Variants in MYOF observed in about 807,000 individuals in gnomAD.
The protein encoded by MYOF is fer-1-like 3, myoferlin.
MYOF carries 244 observed loss-of-function variants against 284.2 expected under a neutral mutation model. The ratio of observed to expected loss-of-function variants is 0.86; its 90% CI spans 0.77 to 0.95. The LOEUF is 0.95. Ranked by LOEUF, MYOF falls within the 40% of genes least tolerant of loss-of-function variation. The pLI is 0.00. For synonymous variants in MYOF, 904 were observed against 919.7 expected (o/e 0.98, Z 0.31); for missense variants, 2,496 against 2,560.6 (o/e 0.97, Z 0.54).
At chr10:93,474,634 T>C (rs1232988293) in intron 1 of MYOF, among the ~76,000 whole-genome samples, 2 of 152,236 alleles carry the variant, frequency 1.3e-5, no homozygotes, top group Non-Finnish European at 2.9e-5. Context: ...CATGAAACTG[T>C]TATCAAATAG....
chr10:93,320,956 T>C (rs1842818378), intron 48 of MYOF, among the ~76,000 whole-genome samples: 1 of 152,096 alleles, frequency 6.6e-6, no homozygotes, highest in Non-Finnish European at 1.5e-5. Flanking sequence ...TAAAATAAGA[T>C]TAATGATATG....
chr10:93,383,896 C>T (rs980411998), intron 19 of MYOF, among the ~76,000 whole-genome samples: 2 of 152,194 alleles, frequency 1.3e-5, no homozygotes, highest in African/African-American at 2.4e-5. Context: ...TGGGCCGGCT[C>T]TACCCCGTAG....
intron 1 of MYOF, among the ~76,000 whole-genome samples, chr10:93,468,746 A>G (rs2057068173): frequency 6.6e-6 from 1 of 152,168 alleles, no homozygotes; most frequent in Non-Finnish European, 1.5e-5. Flanking sequence ...TATGCTGTGC[A>G]TGGCTTTCAC....
In MYOF at chr10:93,401,645, T is replaced by C. The variant is rs926053157; in HGVS notation, c.991-101A>G. Reference sequence around the variant, plus strand: ...ATGAAACCATTCAGAATCGTTTCCATTAAGATTTCCTGTGTTTGGGGCTTA... The same window carrying C: ...ATGAAACCATTCAGAATCGTTTCCACTAAGATTTCCTGTGTTTGGGGCTTA... On this transcript the variant is annotated intron_variant, in intron 11 of 53. Transcript: ENST00000359263. 1.6e-5 allele frequency: 24 copies of C among 1,476,020 alleles called. No homozygotes were observed. In the African/African-American group the frequency reaches 3.1e-4, roughly 19 times the overall value. 91.4% of individuals were successfully genotyped at this position (1,476,020 alleles called of 1,614,324 possible).
At chr10:93,405,474 A>G (rs1212783503) in intron 7 of MYOF, among the ~76,000 whole-genome samples, 1 of 152,206 alleles carries the variant, frequency 6.6e-6, no homozygotes, top group Non-Finnish European at 1.5e-5. Flanking sequence ...TTCTTCTTTA[A>G]ATAGAGATGA....
At chr10:93,370,839 T>C (rs1368870193) in intron 24 of MYOF, among the ~76,000 whole-genome samples, 1 of 150,358 alleles carries the variant, frequency 6.7e-6, no homozygotes, top group Non-Finnish European at 1.5e-5. Context: ...GTAAACATGG[T>C]TATTCCAATT....
chr10:93,336,907 A>C (rs899629673), intron 40 of MYOF, among the ~76,000 whole-genome samples: 2 of 149,944 alleles, frequency 1.3e-5, no homozygotes, highest in Non-Finnish European at 1.5e-5. Context: ...AAGAGAAGAA[A>C]GGAAGGAAGG....
chr10:93,333,810 C>A lies in MYOF; in HGVS notation c.4667G>T (p.Arg1556Met), dbSNP rs746777943. The change falls in exon 42 of 54, where the codon AGG (arginine) becomes ATG (methionine). Residue 1556 changes from arginine (R) to methionine (M), a missense_variant. Coordinates refer to ENST00000359263, the MANE Select transcript of MYOF (RefSeq NM_013451.4). ...PDSVPQECTV[R>M]IYIVRGLELQ... ...CTCTAAGCCTCGAACAATGTAAATCCTAACCGTGCATTCCTGTGGGACGCT... is the reference window on the plus strand; with the variant it reads ...CTCTAAGCCTCGAACAATGTAAATCATAACCGTGCATTCCTGTGGGACGCT... 2 of 1,614,064 alleles carry A rather than the reference C, an allele frequency of 1.2e-6. No individual in the cohort carries two copies. The highest frequency in any genetic ancestry group is 3.3e-5 in the Admixed American group (2 of 60,006).
intron 1 of MYOF, chr10:93,478,340 A>T (rs1319242352): frequency 5.5e-6 from 1 of 182,134 alleles, no homozygotes; most frequent in Non-Finnish European, 1.1e-5. Context: ...ACAGGCACTC[A>T]CTCCAGCCTC....
At chr10:93,402,654 T>TA (rs1427011411) in intron 10 of MYOF, among the ~76,000 whole-genome samples, 1 of 152,168 alleles carries the variant, frequency 6.6e-6, no homozygotes, top group South Asian at 2.1e-4. Flanking sequence ...AATGTTAAGA[T>TA]AAAAAATTAG....
rs946760146 is a variant in MYOF at position 93,452,044 on chromosome 10, A to G, written c.236+6T>C. The G allele has an allele frequency of 6.3e-7, 1 of 1,596,198 alleles. No homozygotes were observed. Among genetic ancestry groups the G allele is most frequent in the East Asian group, 2.2e-5 (1 of 44,780 alleles). ...AAAATGAGAAAAACAGGTGAAAACA[A>G]CTTACTTATTTTGTCCAATTGTCTC... On this transcript the variant is annotated splice_donor_region_variant and intron_variant, in intron 3 of 53. Transcript: ENST00000359263.
Position 93,336,021 on chromosome 10 carries a change from A to T in MYOF, c.4463T>A (p.Val1488Glu), listed in dbSNP as rs778201416. Residue 1488 changes from valine (V) to glutamate (E), a missense_variant, in exon 41 of 54, where the codon GTA (valine) becomes GAA (glutamate). This residue lies in a region of MYOF where 2,436 missense variants were observed against 2,480.7 expected (regional missense o/e 0.98). Transcript: ENST00000359263. The stretch of plus-strand genomic sequence containing the variant: ...GTCTGTCAGGCCCTCAAATTCTGCT[A>T]CATTTTCTAGTTCACAATTATATAT... The part of the protein sequence containing the change: ...LKIYNCELEN[V>E]AEFEGLTDFS... 2 of 1,614,032 alleles carry T rather than the reference A, an allele frequency of 1.2e-6. No individual in the cohort carries two copies. The highest frequency in any genetic ancestry group is 8.5e-7 in the Non-Finnish European group (1 of 1,179,974).
chr10:93,353,750 C>T lies in MYOF; in HGVS notation c.3481+61G>A, dbSNP rs1844642421. 5 of 1,392,994 alleles carry T rather than the reference C, an allele frequency of 3.6e-6. No homozygotes were observed. The Admixed American group carries it at 1.0e-4, about 29-fold the overall frequency. 86.3% of individuals were successfully genotyped at this position (1,392,994 alleles called of 1,614,324 possible). ...AATGACAAAAAGCATTCACTCGAAACACAGAAGCAAAATAGCATGCTATGT... is the reference window on the plus strand; with the variant it reads ...AATGACAAAAAGCATTCACTCGAAATACAGAAGCAAAATAGCATGCTATGT... On this transcript the variant is annotated intron_variant, in intron 32 of 53. Transcript: ENST00000359263.
chr10:93,309,034 T>C (rs1466437404), intron 53 of MYOF, among the ~76,000 whole-genome samples: 1 of 152,178 alleles, frequency 6.6e-6, no homozygotes, highest in East Asian at 1.9e-4. Context: ...AATGTGTTTT[T>C]GGAGTAAGAG....
At chr10:93,422,944 A>C (rs535959994) in intron 5 of MYOF, among the ~76,000 whole-genome samples, 1 of 152,264 alleles carries the variant, frequency 6.6e-6, no homozygotes, top group East Asian at 1.9e-4. Flanking sequence ...CAGAAGGGGT[A>C]ACACAAGAGG....
At position 93,449,533 on chromosome 10, in the gene MYOF, G is replaced by A. The variant is rs140773330; in HGVS notation, c.236+2517C>T. 2.2e-3 allele frequency among the ~76,000 whole-genome samples: 333 copies of A among 152,350 alleles called. 1 individual carries two copies. The Middle Eastern group carries it at 0.024, about 11-fold the overall frequency. On this transcript the variant is annotated intron_variant, in intron 3 of 53. Transcript: ENST00000359263. The stretch of plus-strand genomic sequence containing the variant: ...TGGGAAATAAAACTGGCTTTTGGGA[G>A]TTGGGGTGGGGAATAAATAATCATA...
At chr10:93,313,604 A>C (rs1010906707) in intron 50 of MYOF, among the ~76,000 whole-genome samples, 1 of 152,182 alleles carries the variant, frequency 6.6e-6, no homozygotes, top group Non-Finnish European at 1.5e-5. Flanking sequence ...ATAGGTGCTT[A>C]GAACACAGGA....
At chr10:93,474,097 C>T (rs1046315309) in intron 1 of MYOF, among the ~76,000 whole-genome samples, 5 of 152,130 alleles carry the variant, frequency 3.3e-5, no homozygotes, top group African/African-American at 1.2e-4. Flanking sequence ...TCCAGTGTGG[C>T]TCCCTTATCA....
intron 50 of MYOF, among the ~76,000 whole-genome samples, chr10:93,314,379 G>A (rs889235148): frequency 5.9e-5 from 9 of 152,092 alleles, no homozygotes; most frequent in African/African-American, 1.2e-4. Context: ...ATGACCCACT[G>A]TGCCCGGCCA....
Sources: allele counts gnomAD v4.1 joint callset (sites outside exome capture counted in the v4.1 genomes callset), GRCh38; gene constraint gnomAD v4.1.1; regional missense constraint gnomAD v4.1.1; transcripts MANE v1.5; gene names NCBI Gene and HGNC (gene_info 2026-07-23, HGNC 2026-07-21).